The following CCDC175 variants were observed in gnomAD, a reference collection of about 807,000 sequenced individuals.
CCDC175 encodes coiled-coil domain-containing protein 175.
In CCDC175, 100 loss-of-function variants were observed where a neutral mutation model predicts 114.6. The ratio of observed to expected loss-of-function variants is 0.87; its 90% CI spans 0.74 to 1.03. The LOEUF (loss-of-function observed/expected upper bound fraction) is 1.03. Ranked by LOEUF, CCDC175 falls within the 50% of genes least tolerant of loss-of-function variation. CCDC175 has a pLI of 0.00. For missense variants in CCDC175, 880 were observed against 917.8 expected (o/e 0.96, Z 0.53); for synonymous variants, 306 against 308.7 (o/e 0.99, Z 0.09).
chr14:59,566,496 G>A (rs940587791), intron 4 of CCDC175, among the ~76,000 whole-genome samples: 2 of 152,170 alleles, frequency 1.3e-5, no homozygotes, highest in South Asian at 2.1e-4. Context: ...AAGAAGTCTA[G>A]GTGAGAGGCT....
At chr14:59,546,222 A>G (rs1895100606) in intron 8 of CCDC175, among the ~76,000 whole-genome samples, 3 of 152,210 alleles carry the variant, frequency 2.0e-5, no homozygotes, top group Non-Finnish European at 1.5e-5. Context: ...GAAGCAGAAA[A>G]TGAAATACTG....
chr14:59,543,876 A>T (rs1399010786), intron 9 of CCDC175, among the ~76,000 whole-genome samples: 1 of 152,232 alleles, frequency 6.6e-6, no homozygotes, highest in African/African-American at 2.4e-5. Flanking sequence ...CAAAACAACA[A>T]GAACAGTTGT....
At chr14:59,546,681 T>A (rs1485599202) in intron 8 of CCDC175, among the ~76,000 whole-genome samples, 1 of 151,984 alleles carries the variant, frequency 6.6e-6, no homozygotes, top group Non-Finnish European at 1.5e-5. Context: ...TGAGCCTACA[T>A]AAACCTCCCA....
chr14:59,574,939 A>C lies in CCDC175; in HGVS notation c.243+4T>G, dbSNP rs1377340990. 3 of 1,405,426 alleles carry C rather than the reference A, an allele frequency of 2.1e-6. No homozygotes were observed. In the African/African-American group the frequency reaches 4.3e-5, roughly 20 times the overall value. 87.1% of individuals were successfully genotyped at this position (1,405,426 alleles called of 1,614,324 possible). On this transcript the variant is annotated splice_donor_region_variant and intron_variant, in intron 2 of 19. Transcript: ENST00000537690. ...AGAAATGGTTCTTATAGATAATACA[A>C]TACCAATTTCTTAACAGCTACAGCA...
chr14:59,556,470 T>C (rs559734154), intron 7 of CCDC175, among the ~76,000 whole-genome samples: 2 of 152,310 alleles, frequency 1.3e-5, no homozygotes, highest in South Asian at 4.1e-4. Flanking sequence ...TCAAGATGGA[T>C]TAAAGACTTA....
chr14:59,544,987 T>C (rs1478683403), intron 9 of CCDC175, among the ~76,000 whole-genome samples, 176 bp downstream of exon 9: 1 of 152,216 alleles, frequency 6.6e-6, no homozygotes, highest in Non-Finnish European at 1.5e-5. Flanking sequence ...CTATGGTATT[T>C]TGTTATGGCA....
chr14:59,569,307 C>T (rs1045383788), intron 3 of CCDC175, among the ~76,000 whole-genome samples: 4 of 152,300 alleles, frequency 2.6e-5, no homozygotes, highest in African/African-American at 9.6e-5. Context: ...TATGCACATA[C>T]ATCATCTGGA....
In CCDC175 at chr14:59,551,450, A is replaced by G. The variant is rs1183407096; in HGVS notation, c.954-14T>C. 2.3e-6 allele frequency: 3 copies of G among 1,306,306 alleles called. No individual in the cohort carries two copies. Among genetic ancestry groups the G allele is most frequent in the South Asian group, 2.9e-5 (2 of 69,198 alleles). 80.9% of individuals were successfully genotyped at this position (1,306,306 alleles called of 1,614,324 possible). A position where few individuals can be genotyped will look rare whatever the true frequency, so the allele number is the denominator to read the frequency against. Reference sequence around the variant, plus strand: ...GTGAAAAAACACCTATGAACAAAGGAAGCCAAACAGATTCATATAAGAACA... The same window carrying G: ...GTGAAAAAACACCTATGAACAAAGGGAGCCAAACAGATTCATATAAGAACA... On this transcript the variant is annotated splice_polypyrimidine_tract_variant and intron_variant, in intron 7 of 19. Transcript: ENST00000537690.
chr14:59,521,516 T>C, intron 17 of CCDC175, 58 bp downstream of exon 17: 2 of 899,768 alleles, frequency 2.2e-6, no homozygotes, highest in Non-Finnish European at 3.5e-6. Context: ...ACATATATCC[T>C]ATTAGTTCTG....
chr14:59,540,775 A>C, intron 10 of CCDC175, 29 bp from the exon 11 acceptor site: 1 of 1,488,906 alleles, frequency 6.7e-7, no homozygotes, highest in Non-Finnish European at 8.9e-7. Flanking sequence ...TGGATTTTGC[A>C]TTTATGGGAG....
At chr14:59,551,478 C>T (rs1199508758) in intron 7 of CCDC175, 42 bp from the exon 8 acceptor site, 4 of 1,077,948 alleles carry the variant, frequency 3.7e-6, no homozygotes, top group African/African-American at 1.6e-5. Context: ...TAAGAACATA[C>T]TTTTGAATTC....
Position 59,545,230 on chromosome 14 carries a change from T to C in CCDC175, c.1105A>G (p.Arg369Gly), listed in dbSNP as rs1456061300. ...TCACTTAAAACAATCTTATATTGTC[T>C]GGCAAGAGTTTTCATTTTCTCTCGT... Reference protein sequence around the residue: ...DLREKMKTLARQYKIVLSEEE... With the variant: ...DLREKMKTLAGQYKIVLSEEE... Residue 369 changes from arginine (R) to glycine (G), a missense_variant, in exon 9 of 20, where the codon AGA (arginine) becomes GGA (glycine). Physicochemically the swap from Arg to Gly is moderately radical, Grantham distance 125 (BLOSUM62 -2). Coordinates refer to ENST00000537690, the MANE Select transcript of CCDC175 (RefSeq NM_001164399.2). 2.6e-6 allele frequency: 4 copies of C among 1,536,888 alleles called. No individual in the cohort carries two copies. Among genetic ancestry groups the C allele is most frequent in the Non-Finnish European group, 3.5e-6 (4 of 1,146,736 alleles).
At chr14:59,535,065 T>G (rs1248964673) in intron 13 of CCDC175, among the ~76,000 whole-genome samples, 1 of 152,222 alleles carries the variant, frequency 6.6e-6, no homozygotes, top group African/African-American at 2.4e-5. Context: ...TGCTTCCTTC[T>G]AATTTTGGGC....
At chr14:59,518,135 T>G (rs1893212452) in intron 17 of CCDC175, among the ~76,000 whole-genome samples, 2 of 152,356 alleles carry the variant, frequency 1.3e-5, no homozygotes, top group South Asian at 4.1e-4. Flanking sequence ...AAGCTGAAAC[T>G]GGATCCCTTC....
chr14:59,551,914 C>T (rs188489994), intron 7 of CCDC175, among the ~76,000 whole-genome samples: 5 of 152,218 alleles, frequency 3.3e-5, no homozygotes, highest in African/African-American at 9.6e-5. Flanking sequence ...AGCAGCGAGG[C>T]TGGGGGAGGG....
chr14:59,510,469 T>C, intron 19 of CCDC175, 177 bp downstream of exon 19: 1 of 613,792 alleles, frequency 1.6e-6, no homozygotes, highest in South Asian at 2.0e-5. Flanking sequence ...CAGAATTGGA[T>C]AACACTACAA....
Position 59,525,395 on chromosome 14 carries a change from C to T in CCDC175, c.1882G>A (p.Glu628Lys). The T allele has an allele frequency of 6.6e-7, 1 of 1,517,876 alleles. No individual in the cohort carries two copies. Among genetic ancestry groups the T allele is most frequent in the Non-Finnish European group, 8.8e-7 (1 of 1,141,288 alleles). 94.0% of individuals were successfully genotyped at this position (1,517,876 alleles called of 1,614,324 possible). A position where few individuals can be genotyped will look rare whatever the true frequency, so the allele number is the denominator to read the frequency against. ...AAATGATCTTTGTTTTTTTTGCTTT[C>T]TTGATCTCGTAATTGTTGTAATTCT... is the stretch of plus-strand genomic sequence containing the variant. The part of the protein sequence containing the change: ...KQELQQLRDQ[E>K]SKKNKDHFET... Residue 628 changes from glutamate to lysine, a missense_variant, in exon 16 of 20, where the codon GAA becomes AAA. Coordinates refer to ENST00000537690, the MANE Select transcript of CCDC175 (RefSeq NM_001164399.2).
intron 3 of CCDC175, among the ~76,000 whole-genome samples, chr14:59,569,542 A>G (rs1331556425): frequency 6.6e-6 from 1 of 152,244 alleles, no homozygotes; most frequent in Non-Finnish European, 1.5e-5. Context: ...CCCTTCTAAA[A>G]TATGTTTTTC....
At chr14:59,515,375 T>C (rs1052020820) in intron 17 of CCDC175, among the ~76,000 whole-genome samples, 3 of 151,958 alleles carry the variant, frequency 2.0e-5, no homozygotes, top group Non-Finnish European at 2.9e-5. Context: ...GACTGGCAAA[T>C]TGGATAAAGA....
Sources: allele counts gnomAD v4.1 joint callset (sites outside exome capture counted in the v4.1 genomes callset), GRCh38; gene constraint gnomAD v4.1.1; transcripts MANE v1.5; gene names NCBI Gene and HGNC (gene_info 2026-07-23, HGNC 2026-07-21).